Variants in HS6ST3 observed in about 807,000 individuals in gnomAD.
HS6ST3 encodes heparan sulfate 6-O-sulfotransferase 3.
In HS6ST3, 12 loss-of-function variants were observed where a neutral mutation model predicts 36.7. The ratio of observed to expected loss-of-function variants is 0.33; its 90% CI spans 0.21 to 0.53. HS6ST3 has a LOEUF of 0.53. HS6ST3 is among the 20% of genes least tolerant of loss of function. HS6ST3 has a pLI of 0.95. For synonymous variants in HS6ST3, 240 were observed against 257.5 expected (o/e 0.93, Z 0.65); for missense variants, 584 against 640.9 (o/e 0.91, Z 0.96).
chr13:96,362,923 C>T (rs754575971), intron 1 of HS6ST3, among the ~76,000 whole-genome samples: 2 of 152,118 alleles, frequency 1.3e-5, no homozygotes, highest in Admixed American at 6.5e-5. Flanking sequence ...CCATTTGATT[C>T]CATTCCACAT....
intron 1 of HS6ST3, among the ~76,000 whole-genome samples, chr13:96,260,192 T>C (rs369318651): frequency 6.6e-6 from 1 of 152,232 alleles, no homozygotes; most frequent in Non-Finnish European, 1.5e-5. Context: ...GAATGGCCTT[T>C]GAAATATTTT....
At chr13:96,429,423 A>T (rs1331321196) in intron 1 of HS6ST3, among the ~76,000 whole-genome samples, 1 of 152,206 alleles carries the variant, frequency 6.6e-6, no homozygotes, top group Non-Finnish European at 1.5e-5. Context: ...TGAAAACACT[A>T]ACAGTCTCAT....
chr13:96,228,400 G>A lies in HS6ST3; in HGVS notation c.707+136831G>A, dbSNP rs181473866. On this transcript the variant is annotated intron_variant, in intron 1 of 1. Coordinates refer to ENST00000376705, the MANE Select transcript of HS6ST3 (RefSeq NM_153456.4). ...CAGCCTCTGAGTGGCTGGGATTACG[G>A]GATTACAGCCAGCTGCCACCACACC... 1.3e-3 allele frequency among the ~76,000 whole-genome samples: 204 copies of A among 152,170 alleles called. No individual in the cohort carries two copies. The South Asian group carries it at 0.014, about 11-fold the overall frequency.
intron 1 of HS6ST3, among the ~76,000 whole-genome samples, chr13:96,404,558 A>T (rs563065061): frequency 2.8e-4 from 42 of 152,280 alleles, no homozygotes; most frequent in African/African-American, 9.9e-4. Flanking sequence ...ATGGCAGGAG[A>T]GGAATAGAAG....
chr13:96,250,251 A>G (rs2054601908), intron 1 of HS6ST3, among the ~76,000 whole-genome samples: 1 of 152,154 alleles, frequency 6.6e-6, no homozygotes, highest in Admixed American at 6.6e-5. Flanking sequence ...GGGAGAACAA[A>G]CCCCATAAAA....
intron 1 of HS6ST3, among the ~76,000 whole-genome samples, chr13:96,829,830 A>G (rs1878736037): frequency 1.3e-5 from 2 of 152,200 alleles, no homozygotes; most frequent in African/African-American, 4.8e-5. Context: ...TCTATATAAT[A>G]GAACAATTTA....
At chr13:96,296,754 A>G (rs1358693319) in intron 1 of HS6ST3, among the ~76,000 whole-genome samples, 1 of 152,136 alleles carries the variant, frequency 6.6e-6, no homozygotes, top group African/African-American at 2.4e-5. Context: ...TCTCTTTTAT[A>G]ATAAGAAAAT....
At chr13:96,328,197 GC>G (rs1238840688) in intron 1 of HS6ST3, among the ~76,000 whole-genome samples, 1 of 143,788 alleles carries the variant, frequency 7.0e-6, no homozygotes, top group African/African-American at 2.6e-5. Flanking sequence ...AATTGCCCTG[GC>G]CAGAACTTCC....
At chr13:96,422,920 A>T (rs1337150391) in intron 1 of HS6ST3, among the ~76,000 whole-genome samples, 1 of 152,232 alleles carries the variant, frequency 6.6e-6, no homozygotes, top group Non-Finnish European at 1.5e-5. Flanking sequence ...AATACTATCA[A>T]AACATCACAA....
chr13:96,153,346 A>G (rs1009359308), intron 1 of HS6ST3, among the ~76,000 whole-genome samples: 2 of 152,134 alleles, frequency 1.3e-5, no homozygotes, highest in African/African-American at 4.8e-5. Context: ...AGATAACCAA[A>G]TGCGAGAAAT....
intron 1 of HS6ST3, among the ~76,000 whole-genome samples, chr13:96,263,536 C>T (rs980067637): frequency 1.3e-5 from 2 of 152,116 alleles, no homozygotes; most frequent in Non-Finnish European, 1.5e-5. Context: ...TTTGGGAATA[C>T]CTTTCTGGCC....
chr13:96,441,164 A>C (rs1594781043), intron 1 of HS6ST3, among the ~76,000 whole-genome samples: 2 of 152,300 alleles, frequency 1.3e-5, no homozygotes, highest in East Asian at 3.9e-4. Context: ...TGGCACCCTG[A>C]TCTTAGATTT....
chr13:96,801,512 A>G (rs993786933), intron 1 of HS6ST3, among the ~76,000 whole-genome samples: 2 of 151,720 alleles, frequency 1.3e-5, no homozygotes, highest in Non-Finnish European at 2.9e-5. Context: ...GCCTTTATAT[A>G]TGTGTGTGTG....
chr13:96,170,681 T>C (rs77887789), intron 1 of HS6ST3, among the ~76,000 whole-genome samples: 1 of 152,182 alleles, frequency 6.6e-6, no homozygotes, highest in Non-Finnish European at 1.5e-5. Flanking sequence ...GGGGAACTCA[T>C]TGCTACAGAG....
intron 1 of HS6ST3, among the ~76,000 whole-genome samples, chr13:96,692,251 T>G (rs1315311803): frequency 6.6e-6 from 1 of 152,148 alleles, no homozygotes; most frequent in African/African-American, 2.4e-5. Flanking sequence ...GATACCAAAA[T>G]CCATGAATGC....
chr13:96,709,560 G>A (rs1158212011), intron 1 of HS6ST3, among the ~76,000 whole-genome samples: 2 of 152,054 alleles, frequency 1.3e-5, no homozygotes, highest in Non-Finnish European at 2.9e-5. Flanking sequence ...TCATGAATGG[G>A]ATAAACACCC....
intron 1 of HS6ST3, among the ~76,000 whole-genome samples, chr13:96,557,200 C>A (rs532855283): frequency 6.6e-6 from 1 of 152,258 alleles, no homozygotes; most frequent in South Asian, 2.1e-4. Context: ...TTGCAAGTAC[C>A]TGTGAGGTGG....
chr13:96,751,544 A>G (rs1876700652), intron 1 of HS6ST3, among the ~76,000 whole-genome samples: 1 of 152,136 alleles, frequency 6.6e-6, no homozygotes, highest in African/African-American at 2.4e-5. Flanking sequence ...GTTTTAAGCC[A>G]CCAAGTTTGC....
At chr13:96,764,348 T>C (rs1231756113) in intron 1 of HS6ST3, among the ~76,000 whole-genome samples, 31 of 152,230 alleles carry the variant, frequency 2.0e-4, no homozygotes, top group Non-Finnish European at 1.5e-5. Flanking sequence ...GACAAGGTGA[T>C]GATTATATCT....
Sources: gnomAD v4.1 joint callset for allele counts (sites outside exome capture counted in the v4.1 genomes callset) on GRCh38, gnomAD v4.1.1 for gene constraint, MANE v1.5 for transcripts, NCBI Gene and HGNC (gene_info 2026-07-23, HGNC 2026-07-21) for gene names.